RUFY3: variants seen among roughly 807,000 people sequenced by gnomAD.
RUFY3 encodes protein RUFY3.
In RUFY3, 34 loss-of-function variants were observed where a neutral mutation model predicts 84.0. That is an observed-to-expected ratio of 0.40 (90% CI 0.31 to 0.54). RUFY3 has a LOEUF of 0.54. Among genes scored for constraint, RUFY3 ranks in the 20% least tolerant of loss-of-function variants. RUFY3 has a pLI of 0.39. For synonymous variants in RUFY3, 242 were observed against 252.9 expected, an observed-to-expected ratio of 0.96 and a Z score of 0.41; for missense variants, 507 against 736.8, an observed-to-expected ratio of 0.69 and a Z score of 3.61.
rs533016135 is a variant in RUFY3 at position 70,775,438 on chromosome 4, T to G, written c.824+205T>G. ...CTTTAGTGAAAGGCAGTATATAATG[T>G]TATATATAATATATAATAACATAGT... On this transcript the variant is annotated intron_variant, in intron 7 of 17. Coordinates refer to ENST00000381006, the MANE Select transcript of RUFY3 (RefSeq NM_001037442.4). Among the ~76,000 whole-genome samples, 3 of 151,436 alleles carry G rather than the reference T, an allele frequency of 2.0e-5. No homozygotes were observed. The South Asian group carries it at 6.2e-4, about 31-fold the overall frequency.
rs150961480 is a variant in RUFY3 at position 70,781,983 on chromosome 4, C to T, written c.895-1108C>T. ...CCCTGTAGCAGTTGACTGCTAATAA[C>T]GTTACCTGATCTTTTTAGGTGTTGA... is the stretch of plus-strand genomic sequence containing the variant. On this transcript the variant is annotated intron_variant, in intron 8 of 17. Coordinates refer to ENST00000381006, the MANE Select transcript of RUFY3 (RefSeq NM_001037442.4). 5.4e-4 allele frequency among the ~76,000 whole-genome samples: 82 copies of T among 152,224 alleles called. 1 individual carries two copies. The East Asian group carries it at 0.014, about 27-fold the overall frequency.
Position 70,778,447 on chromosome 4 carries a change from T to A in RUFY3, c.894+9T>A, listed in dbSNP as rs368802410. 1.8e-5 allele frequency: 28 copies of A among 1,525,428 alleles called. No individual in the cohort carries two copies. Among genetic ancestry groups the A allele is most frequent in the Non-Finnish European group, 2.4e-5 (26 of 1,101,418 alleles). 94.5% of individuals were successfully genotyped at this position (1,525,428 alleles called of 1,614,324 possible). The stretch of plus-strand genomic sequence containing the variant: ...CTAAACTGACAGAGGAGGTAAGTTT[T>A]GGAAATGCTTTGATTGACTTATAGA... On this transcript the variant is annotated intron_variant, in intron 8 of 17. Transcript: ENST00000381006.
chr4:70,806,446 C>T, intron 17 of RUFY3, 70 bp from the exon 18 acceptor site: 1 of 1,571,250 alleles, frequency 6.4e-7, no homozygotes, highest in Non-Finnish European at 8.7e-7. Flanking sequence ...CCATATTTGG[C>T]TTTTTATATC....
At chr4:70,724,478 A>C (rs955625675) in intron 1 of RUFY3, among the ~76,000 whole-genome samples, 1 of 152,216 alleles carries the variant, frequency 6.6e-6, no homozygotes, top group Admixed American at 6.5e-5. Context: ...GGTTCATGTA[A>C]GCGTTTTTAG....
upstream of RUFY3, among the ~76,000 whole-genome samples, chr4:70,721,210 G>A (rs1742241754): frequency 6.6e-6 from 1 of 151,974 alleles, no homozygotes; most frequent in Non-Finnish European, 1.5e-5. Context: ...TACTCGGGAG[G>A]CTGAGGCAGA....
chr4:70,710,076 T>C (rs1263931086), intron 1 of RUFY3, among the ~76,000 whole-genome samples: 1 of 152,228 alleles, frequency 6.6e-6, no homozygotes, highest in Non-Finnish European at 1.5e-5. Flanking sequence ...ATGAGGTACC[T>C]AGAAGCCTTT....
intron 16 of RUFY3, among the ~76,000 whole-genome samples, chr4:70,803,394 C>G (rs555865459): frequency 6.6e-6 from 1 of 152,088 alleles, no homozygotes; most frequent in South Asian, 2.1e-4. Context: ...GCTACTGTGT[C>G]TGAGTCACCC....
chr4:70,741,518 A>G, intron 1 of RUFY3: 1 of 805,804 alleles, frequency 1.2e-6, no homozygotes. Flanking sequence ...AATCCTAGGA[A>G]CCTCCCTTTC....
intron 1 of RUFY3, among the ~76,000 whole-genome samples, chr4:70,740,861 GA>G: frequency 6.6e-6 from 1 of 151,796 alleles, no homozygotes; most frequent in East Asian, 1.9e-4. Flanking sequence ...AAAACCTCTG[GA>G]AATGAAAAGC....
chr4:70,724,359 C>T (rs1308825866), intron 1 of RUFY3, among the ~76,000 whole-genome samples: 1 of 152,186 alleles, frequency 6.6e-6, no homozygotes. Flanking sequence ...TTCCCTTTAT[C>T]ATGAAATCTA....
chr4:70,707,134 G>A (rs1366146460), intron 1 of RUFY3, among the ~76,000 whole-genome samples: 1 of 152,228 alleles, frequency 6.6e-6, no homozygotes, highest in Non-Finnish European at 1.5e-5. Context: ...GAAAATAACA[G>A]TATTTTGTTA....
At chr4:70,752,998 A>G (rs1370475740) in intron 1 of RUFY3, among the ~76,000 whole-genome samples, 1 of 152,198 alleles carries the variant, frequency 6.6e-6, no homozygotes, top group African/African-American at 2.4e-5. Flanking sequence ...AATGACTGGT[A>G]GATTTTAACA....
rs1742383155 is a variant in RUFY3 at position 70,722,218 on chromosome 4, G to GC, written c.-355dup. On this transcript the variant is annotated 5_prime_UTR_variant, in exon 1 of 18. Coordinates refer to ENST00000381006, the MANE Select transcript of RUFY3 (RefSeq NM_001037442.4). ...CAGATTTTTAAAGCCAGCTAAGGCA[G>GC]CATCAGCTGTGCGGGATTTAAAGCC... The GC allele has an allele frequency of 8.1e-7, 1 of 1,229,668 alleles. No individual in the cohort carries two copies. The highest frequency in any genetic ancestry group is 1.0e-6 in the Non-Finnish European group (1 of 987,404). 76.2% of individuals were successfully genotyped at this position (1,229,668 alleles called of 1,614,324 possible).
chr4:70,707,930 C>G (rs1200739523), intron 1 of RUFY3, among the ~76,000 whole-genome samples: 1 of 152,088 alleles, frequency 6.6e-6, no homozygotes, highest in Non-Finnish European at 1.5e-5. Context: ...ATCTGGATAT[C>G]AGAACTTTGA....
chr4:70,762,257 G>T (rs1364592937), intron 1 of RUFY3, among the ~76,000 whole-genome samples: 5 of 152,194 alleles, frequency 3.3e-5, no homozygotes, highest in Admixed American at 2.6e-4. Flanking sequence ...TGAGGCTACA[G>T]TGAGCTATGA....
intron 1 of RUFY3, among the ~76,000 whole-genome samples, chr4:70,738,655 C>T (rs1355818685): frequency 6.6e-6 from 1 of 151,958 alleles, no homozygotes; most frequent in African/African-American, 2.4e-5. Flanking sequence ...AGCCACCGTG[C>T]CCAGCCAGAT....
At chr4:70,732,675 C>T (rs191571676) in intron 1 of RUFY3, among the ~76,000 whole-genome samples, 17 of 151,762 alleles carry the variant, frequency 1.1e-4, no homozygotes, top group African/African-American at 4.1e-4. Flanking sequence ...CCAAACACCG[C>T]ATGTTCTCAC....
At position 70,710,707 on chromosome 4, in the gene RUFY3, T is replaced by A. The variant is rs116342633; in HGVS notation, c.358+5413T>A. Reference sequence around the variant, plus strand: ...AAAAAGAAAAAGAAAACAGTATACCTGGTCAGGAATTGAACACATGTTTTT... The same window carrying A: ...AAAAAGAAAAAGAAAACAGTATACCAGGTCAGGAATTGAACACATGTTTTT... On this transcript the variant is annotated intron_variant, in intron 1 of 11. Transcript: ENST00000417478. Among the ~76,000 whole-genome samples the A allele has an allele frequency of 9.7e-3, 1,482 of 152,010 alleles. 28 individuals are homozygous for A. The highest frequency in any genetic ancestry group is 0.034 in the African/African-American group (1,429 of 41,474).
chr4:70,793,059 C>G (rs566608200), intron 12 of RUFY3: 1 of 985,372 alleles, frequency 1.0e-6, no homozygotes, highest in South Asian at 4.7e-5. Context: ...AAACATGCTT[C>G]TCTATAGGTG....
Sources: allele counts gnomAD v4.1 joint callset (sites outside exome capture counted in the v4.1 genomes callset), GRCh38; gene constraint gnomAD v4.1.1; transcripts MANE v1.5; gene names NCBI Gene and HGNC (gene_info 2026-07-23, HGNC 2026-07-21).